Variants in SLC25A42 observed in about 807,000 individuals in gnomAD.
The protein encoded by SLC25A42 is mitochondrial coenzyme A transporter SLC25A42.
In SLC25A42, 19 loss-of-function variants were observed where a neutral mutation model predicts 34.7. The observed-to-expected ratio is 0.55, with a 90% CI of 0.38 to 0.80. The LOEUF (loss-of-function observed/expected upper bound fraction) is 0.80, where lower values mean the gene tolerates loss of function less well. Ranked by LOEUF, SLC25A42 falls within the 30% of genes least tolerant of loss-of-function variation. SLC25A42 has a pLI of 0.00. For missense variants in SLC25A42, 364 were observed against 441.3 expected, an observed-to-expected ratio of 0.82 and a Z score of 1.57; for synonymous variants, 205 against 191.2, an observed-to-expected ratio of 1.07 and a Z score of -0.59.
intron 1 of SLC25A42, among the ~76,000 whole-genome samples, chr19:19,083,950 C>A (rs1174548803): frequency 6.6e-6 from 1 of 150,876 alleles, no homozygotes; most frequent in African/African-American, 2.4e-5. Context: ...ACCCCACCAC[C>A]CCAGCGTGCC....
Position 19,088,322 on chromosome 19 carries a change from C to T in SLC25A42, c.-34-7769C>T, listed in dbSNP as rs567756371. On this transcript the variant is annotated intron_variant, in intron 1 of 7. Coordinates refer to ENST00000318596, the MANE Select transcript of SLC25A42 (RefSeq NM_178526.5). ...CCGGGTTCACACCATTCTCCTGCCT[C>T]AGCCTCCTGAGTAGCTGGGACTACA... Among the ~76,000 whole-genome samples the T allele has an allele frequency of 9.2e-5, 14 of 151,744 alleles. No individual in the cohort carries two copies. In the South Asian group the frequency reaches 2.9e-3, roughly 32 times the overall value.
chr19:19,100,468 G>A (rs1474210899), intron 2 of SLC25A42, among the ~76,000 whole-genome samples: 1 of 151,872 alleles, frequency 6.6e-6, no homozygotes, highest in Non-Finnish European at 1.5e-5. Flanking sequence ...CCCTTTCCCT[G>A]TGCCAGCAAA....
chr19:19,066,642 G>A (rs917513318), intron 1 of SLC25A42, among the ~76,000 whole-genome samples: 4 of 151,920 alleles, frequency 2.6e-5, no homozygotes, highest in Admixed American at 6.6e-5. Flanking sequence ...TAGTAGAGAC[G>A]GGGTTTCACT....
intron 1 of SLC25A42, among the ~76,000 whole-genome samples, chr19:19,094,948 A>C (rs902584759): frequency 3.3e-5 from 5 of 152,130 alleles, no homozygotes; most frequent in Non-Finnish European, 7.4e-5. Context: ...TAATCCCAGC[A>C]CTTTGGGAGG....
intron 1 of SLC25A42, 34 bp from the exon 2 acceptor site, chr19:19,096,057 C>T (rs774314311): frequency 1.9e-5 from 26 of 1,374,886 alleles, no homozygotes; most frequent in Non-Finnish European, 2.4e-5. Context: ...CTCAGGATCT[C>T]GCCGTATCTT....
Position 19,099,637 on chromosome 19 carries a change from C to A in SLC25A42, c.82-2144C>A, listed in dbSNP as rs115899923. On this transcript the variant is annotated intron_variant, in intron 2 of 7. Coordinates refer to ENST00000318596, the MANE Select transcript of SLC25A42 (RefSeq NM_178526.5). ...TCAGTCTGACTCCGGTTGCCTGTTA[C>A]ACCTGAGTAGTGCGCCACATCCCTT... 1.1e-3 allele frequency among the ~76,000 whole-genome samples: 161 copies of A among 152,280 alleles called. 1 individual carries two copies. Among genetic ancestry groups the A allele is most frequent in the African/African-American group, 3.8e-3 (157 of 41,572 alleles).
intron 1 of SLC25A42, among the ~76,000 whole-genome samples, chr19:19,085,443 G>A (rs1267283233): frequency 4.0e-5 from 6 of 151,024 alleles, no homozygotes; most frequent in African/African-American, 1.2e-4. Flanking sequence ...GTGCAGTGCC[G>A]CGATCTCAGC....
intron 1 of SLC25A42, 31 bp from the exon 2 acceptor site, chr19:19,096,060 C>T (rs771027746): frequency 1.2e-5 from 17 of 1,406,508 alleles, no homozygotes; most frequent in Admixed American, 5.3e-5. Flanking sequence ...AGGATCTCGC[C>T]GTATCTTACC....
intron 1 of SLC25A42, among the ~76,000 whole-genome samples, chr19:19,070,295 ATTTTT>A (rs11390931): frequency 9.5e-6 from 1 of 104,786 alleles, no homozygotes; most frequent in Non-Finnish European, 1.9e-5. Context: ...CTGCCTGGCC[ATTTTT>A]TTTTTTTTTT....
chr19:19,094,958 G>A (rs1290641590), intron 1 of SLC25A42, among the ~76,000 whole-genome samples: 1 of 152,120 alleles, frequency 6.6e-6, no homozygotes, highest in Non-Finnish European at 1.5e-5. Context: ...ACTTTGGGAG[G>A]CCACGTTAGG....
intron 3 of SLC25A42, 73 bp from the exon 4 acceptor site, chr19:19,104,839 CA>C (rs1472306520): frequency 6.4e-7 from 1 of 1,567,884 alleles, no homozygotes; most frequent in African/African-American, 1.4e-5. Context: ...TAGTGGGTGC[CA>C]GGGGTGGGGC....
At chr19:19,079,721 G>C (rs1277093264) in intron 1 of SLC25A42, among the ~76,000 whole-genome samples, 1 of 152,150 alleles carries the variant, frequency 6.6e-6, no homozygotes, top group South Asian at 2.1e-4. Context: ...GAGCATTCAT[G>C]TACAAGTTTC....
chr19:19,078,961 T>C (rs1296062992), intron 1 of SLC25A42, among the ~76,000 whole-genome samples: 3 of 152,024 alleles, frequency 2.0e-5, no homozygotes, highest in African/African-American at 7.2e-5. Context: ...TTCAGTGGTA[T>C]ATAGTACAGT....
chr19:19,099,041 G>C (rs2059780800), intron 2 of SLC25A42, among the ~76,000 whole-genome samples: 1 of 152,238 alleles, frequency 6.6e-6, no homozygotes, highest in South Asian at 2.1e-4. Flanking sequence ...TTTGCACACA[G>C]AGGCCCATTC....
intron 6 of SLC25A42, 109 bp downstream of exon 6, chr19:19,106,494 C>T: frequency 1.2e-6 from 1 of 822,010 alleles, no homozygotes; most frequent in Non-Finnish European, 1.9e-6. Flanking sequence ...GCATCTGGGC[C>T]TCCGTGTCCA....
intron 1 of SLC25A42, among the ~76,000 whole-genome samples, chr19:19,086,750 C>G (rs1439632393): frequency 1.3e-5 from 2 of 152,018 alleles, no homozygotes; most frequent in Admixed American, 1.3e-4. Flanking sequence ...AGATGATCCT[C>G]CTGCCTCAGC....
At position 19,106,255 on chromosome 19, in the gene SLC25A42, C is replaced by G. The variant is rs747440263; in HGVS notation, c.381-14C>G. ...CCTCACTGCCGTCTCGCCTTCTCCTCCTGCCCTGTTCAGAGCCCTGCCCCC... is the reference window on the plus strand; with the variant it reads ...CCTCACTGCCGTCTCGCCTTCTCCTGCTGCCCTGTTCAGAGCCCTGCCCCC... On this transcript the variant is annotated splice_polypyrimidine_tract_variant and intron_variant, in intron 5 of 7. Transcript: ENST00000318596. 2 of 1,607,082 alleles carry G rather than the reference C, an allele frequency of 1.2e-6. No individual in the cohort carries two copies. Among genetic ancestry groups the G allele is most frequent in the South Asian group, 1.1e-5 (1 of 90,846 alleles).
intron 3 of SLC25A42, among the ~76,000 whole-genome samples, chr19:19,102,399 T>C (rs184034960): frequency 1.4e-4 from 22 of 152,194 alleles, no homozygotes; most frequent in Admixed American, 1.4e-3. Flanking sequence ...TAGCTGGGAC[T>C]ATGGGTGTGC....
chr19:19,080,981 C>T (rs546685061), intron 1 of SLC25A42, among the ~76,000 whole-genome samples: 31 of 146,496 alleles, frequency 2.1e-4, no homozygotes, highest in African/African-American at 6.1e-4. Context: ...CATGGTGGTA[C>T]ACATGTATAG....
Sources: allele counts gnomAD v4.1 joint callset (sites outside exome capture counted in the v4.1 genomes callset), GRCh38; gene constraint gnomAD v4.1.1; transcripts MANE v1.5; gene names NCBI Gene and HGNC (gene_info 2026-07-23, HGNC 2026-07-21).